ASPG: variants seen among roughly 807,000 people sequenced by gnomAD.
ASPG encodes 60 kDa lysophospholipase.
Under a neutral mutation model 63.2 loss-of-function variants are expected in ASPG, and 53 were observed. The ratio of observed to expected loss-of-function variants is 0.84; its 90% CI spans 0.67 to 1.05. ASPG has a LOEUF of 1.05. Among genes scored for constraint, ASPG ranks in the 50% least tolerant of loss-of-function variants. ASPG has a pLI of 0.00. For missense variants in ASPG, 741 were observed against 794.4 expected (o/e 0.93, Z 0.81); for synonymous variants, 370 against 355.0 (o/e 1.04, Z -0.48).
intron 6 of ASPG, among the ~76,000 whole-genome samples, chr14:104,099,628 T>G (rs980000907): frequency 6.6e-6 from 1 of 152,222 alleles, no homozygotes. Context: ...CCCTGCTTCC[T>G]GGACTCTACC....
At chr14:104,105,040 C>T (rs1030463338) in intron 9 of ASPG, 7 of 581,764 alleles carry the variant, frequency 1.2e-5, no homozygotes, top group South Asian at 4.3e-5. Context: ...CACTCTTCCT[C>T]GAGGGTGGGG....
chr14:104,109,203 A>C lies in ASPG; in HGVS notation c.1434-26A>C. The C allele has an allele frequency of 6.2e-7, 1 of 1,611,424 alleles. No individual in the cohort carries two copies. Among genetic ancestry groups the C allele is most frequent in the Non-Finnish European group, 8.5e-7 (1 of 1,179,076 alleles). On this transcript the variant is annotated intron_variant, in intron 12 of 15. Coordinates refer to ENST00000551177, the MANE Select transcript of ASPG (RefSeq NM_001080464.3). The surrounding 1 kb of genome is among the most constrained non-coding windows in gnomAD (Gnocchi z 4.8). ...GCGGGGCTGGGCTGGCCAGGGCAGA[A>C]GGTCAGCATGCTCATTCTCACACAG...
At position 104,110,795 on chromosome 14, in the gene ASPG, G is replaced by A. The variant is rs1364257830; in HGVS notation, c.1521-707G>A. On this transcript the variant is annotated intron_variant, in intron 13 of 15. Coordinates refer to ENST00000551177, the MANE Select transcript of ASPG (RefSeq NM_001080464.3). This position sits in a 1 kb window ranked among gnomAD's most constrained non-coding sequence, Gnocchi z 4.7. ...TGGGTGGGTGGAGCCTTCCCTGCCG[G>A]GTCCCCACCTGGCCTGCTCCTGGCC... 5 of 985,282 alleles carry A rather than the reference G, an allele frequency of 5.1e-6. No homozygotes were observed. Among genetic ancestry groups the A allele is most frequent in the Non-Finnish European group, 4.8e-6 (4 of 829,816 alleles). The allele number at this position is 985,282 out of a possible 1,614,324, so 61.0% of individuals were successfully genotyped here.
In ASPG at chr14:104,107,330, T is replaced by C. The variant is rs1400467956; in HGVS notation, c.1418T>C (p.Leu473Pro). Residue 473 changes from leucine (L) to proline (P), a missense_variant, in exon 12 of 16, where the codon CTG becomes CCG. Physicochemically the swap from Leu to Pro is moderately conservative, Grantham distance 98. Coordinates refer to ENST00000551177, the MANE Select transcript of ASPG (RefSeq NM_001080464.3). ...ACGGATGGCTTCAGCCCGCTGCTGC[T>C]GGCCGTGCGGGGCAGGTAATGGAGC... The part of the protein sequence containing the change: ...RDTDGFSPLL[L>P]AVRGRHPGVI... 6.3e-7 allele frequency: 1 copy of C among 1,585,394 alleles called. No homozygotes were observed. The highest frequency in any genetic ancestry group is 1.1e-5 in the South Asian group (1 of 87,202).
Position 104,107,395 on chromosome 14 carries a change from G to C in ASPG, c.1433+50G>C, listed in dbSNP as rs780809886. On this transcript the variant is annotated intron_variant, in intron 12 of 15. Coordinates refer to ENST00000551177, the MANE Select transcript of ASPG (RefSeq NM_001080464.3). ...GCTGCCTTGGACAGGTGGGCGCAGA[G>C]AGGCTGTGGGCTCCTGCACTCAAAC... 2.9e-6 allele frequency: 4 copies of C among 1,357,076 alleles called. No homozygotes were observed. The African/African-American group carries it at 4.5e-5, about 15-fold the overall frequency. The allele number at this position is 1,357,076 out of a possible 1,614,324, so 84.1% of individuals were successfully genotyped here.
chr14:104,110,947 C>A lies in ASPG; in HGVS notation c.1521-555C>A, dbSNP rs1056136714. On this transcript the variant is annotated intron_variant, in intron 13 of 15. Transcript: ENST00000551177. This position sits in a 1 kb window ranked among gnomAD's most constrained non-coding sequence, Gnocchi z 4.7. ...ACCCCTGTCCCAGCCAGGACCCCCC[C>A]ATGCAGTCTGCCGGGGTCCAGGGCC... 1 of 985,304 alleles carries A rather than the reference C, an allele frequency of 1.0e-6. No individual in the cohort carries two copies. Among genetic ancestry groups the A allele is most frequent in the Non-Finnish European group, 1.2e-6 (1 of 829,926 alleles). The allele number at this position is 985,304 out of a possible 1,614,324, so 61.0% of individuals were successfully genotyped here. A position where few individuals can be genotyped will look rare whatever the true frequency, so the allele number is the denominator to read the frequency against.
intron 6 of ASPG, among the ~76,000 whole-genome samples, chr14:104,102,090 C>T (rs2141023044): frequency 6.6e-6 from 1 of 152,246 alleles, no homozygotes. Flanking sequence ...GTGTAGCCCC[C>T]TCTCAGCCAT....
intron 1 of ASPG, among the ~76,000 whole-genome samples, chr14:104,087,231 T>G (rs1281813375): frequency 6.6e-6 from 1 of 152,186 alleles, no homozygotes; most frequent in Non-Finnish European, 1.5e-5. Context: ...CACTTCTCCT[T>G]CTGCCTGTGA....
intron 1 of ASPG, among the ~76,000 whole-genome samples, chr14:104,089,143 C>G (rs1733528675): frequency 6.6e-6 from 1 of 152,070 alleles, no homozygotes; most frequent in South Asian, 2.1e-4. Context: ...GCCTCAGCCT[C>G]CCGAGTAGCT....
chr14:104,088,625 A>G (rs1286496536), intron 1 of ASPG, among the ~76,000 whole-genome samples: 3 of 152,224 alleles, frequency 2.0e-5, no homozygotes, highest in African/African-American at 7.2e-5. Flanking sequence ...CCCGGTGACC[A>G]CACGGGTCCC....
rs1348017350 is a variant in ASPG at position 104,111,536 on chromosome 14, G to A, written c.1555G>A (p.Val519Met). The A allele has an allele frequency of 2.3e-5, 35 of 1,552,146 alleles. No homozygotes were observed. The highest frequency in any genetic ancestry group is 3.0e-5 in the Non-Finnish European group (35 of 1,147,772). The change falls in exon 14 of 16, where the codon GTG becomes ATG. Residue 519 changes from valine (V) to methionine (M), a missense_variant. By Grantham distance (21) the Val-to-Met change is conservative. Transcript: ENST00000551177. Reference protein sequence around the residue: ...AYRADLEGLQVWWQAGADLGQ... With the variant: ...AYRADLEGLQMWWQAGADLGQ... ...CAGGGCCGACCTCGAAGGCCTGCAGGTGTGGTGGCAGGCAGGGGCTGACCT... is the reference window on the plus strand; with the variant it reads ...CAGGGCCGACCTCGAAGGCCTGCAGATGTGGTGGCAGGCAGGGGCTGACCT...
intron 6 of ASPG, among the ~76,000 whole-genome samples, chr14:104,102,526 C>T (rs1024817040): frequency 6.6e-6 from 1 of 152,156 alleles, no homozygotes; most frequent in African/African-American, 2.4e-5. Context: ...CTGGGCTGGG[C>T]TCTCCAGCCT....
In ASPG at chr14:104,110,083, C is replaced by G; in HGVS notation, c.1520+768C>G. On this transcript the variant is annotated intron_variant, in intron 13 of 15. Coordinates refer to ENST00000551177, the MANE Select transcript of ASPG (RefSeq NM_001080464.3). The surrounding 1 kb of genome is among the most constrained non-coding windows in gnomAD (Gnocchi z 4.7). ...CTTGGCGCTGCCTCCTGTGCCCAGC[C>G]TGGGCTGCCCGAGGCCAGGACGACT... 1 of 985,348 alleles carries G rather than the reference C, an allele frequency of 1.0e-6. No individual in the cohort carries two copies. The highest frequency in any genetic ancestry group is 1.7e-5 in the African/African-American group (1 of 57,328). 61.0% of individuals were successfully genotyped at this position (985,348 alleles called of 1,614,324 possible).
Position 104,111,903 on chromosome 14 carries a change from C to A in ASPG, c.1621-17C>A. ...TCAGTGGCCCCAAGGCAGCCCCTCC[C>A]CACTGCTTCCCCATAGGCAGAGGCA... On this transcript the variant is annotated splice_polypyrimidine_tract_variant and intron_variant, in intron 14 of 15. Coordinates refer to ENST00000551177, the MANE Select transcript of ASPG (RefSeq NM_001080464.3). The A allele has an allele frequency of 6.4e-7, 1 of 1,550,484 alleles. No homozygotes were observed. The highest frequency in any genetic ancestry group is 8.7e-7 in the Non-Finnish European group (1 of 1,146,616).
chr14:104,111,799 G>A, intron 14 of ASPG, 121 bp from the exon 15 acceptor site: 1 of 1,073,724 alleles, frequency 9.3e-7, no homozygotes, highest in Non-Finnish European at 1.3e-6. Context: ...GAGTGGAGGA[G>A]CTGCTGGGGC....
At chr14:104,094,953 G>A (rs2036531361) in intron 3 of ASPG, among the ~76,000 whole-genome samples, 1 of 152,204 alleles carries the variant, frequency 6.6e-6, no homozygotes, top group Admixed American at 6.5e-5. Context: ...TCGGAACGGT[G>A]CCCTGGCAGC....
At chr14:104,094,152 T>TG (rs1241389751) in intron 3 of ASPG, among the ~76,000 whole-genome samples, 2 of 151,748 alleles carry the variant, frequency 1.3e-5, no homozygotes, top group African/African-American at 4.8e-5. Flanking sequence ...CCATGCAAGC[T>TG]GGGGGTGGGC....
At position 104,104,626 on chromosome 14, in the gene ASPG, T is replaced by C; in HGVS notation, c.941T>C (p.Met314Thr). Reference sequence around the variant, plus strand: ...CCACACGCCCCCTCCTCACAGGCCATGGCGGGAGCCGGCGTCATCTCAGGC... The same window carrying C: ...CCACACGCCCCCTCCTCACAGGCCACGGCGGGAGCCGGCGTCATCTCAGGC... The part of the protein sequence containing the change: ...VTTDYAAGMA[M>T]AGAGVISGFD... The change falls in exon 9 of 16, where the codon ATG becomes ACG. Residue 314 changes from methionine (M) to threonine (T), a missense_variant. Physicochemically the swap from Met to Thr is moderately conservative, Grantham distance 81 (BLOSUM62 -1). Coordinates refer to ENST00000551177, the MANE Select transcript of ASPG (RefSeq NM_001080464.3). 1.9e-6 allele frequency: 3 copies of C among 1,607,416 alleles called. No individual in the cohort carries two copies. Among genetic ancestry groups the C allele is most frequent in the African/African-American group, 2.7e-5 (2 of 74,952 alleles).
chr14:104,109,085 C>T lies in ASPG; in HGVS notation c.1434-144C>T. 2 of 1,478,402 alleles carry T rather than the reference C, an allele frequency of 1.4e-6. No individual in the cohort carries two copies. 91.6% of individuals were successfully genotyped at this position (1,478,402 alleles called of 1,614,324 possible). On this transcript the variant is annotated intron_variant, in intron 12 of 15. Coordinates refer to ENST00000551177, the MANE Select transcript of ASPG (RefSeq NM_001080464.3). The surrounding 1 kb of genome is among the most constrained non-coding windows in gnomAD (Gnocchi z 4.8). ...TAGGCAGAGGATGGGGGGATGGGCC[C>T]TTGTCTGAGGCTAGGGCTGTGGGGT...
Sources: allele counts gnomAD v4.1 joint callset (sites outside exome capture counted in the v4.1 genomes callset), GRCh38; gene constraint gnomAD v4.1.1; non-coding constraint Gnocchi (gnomAD v3.1); transcripts MANE v1.5; gene names NCBI Gene and HGNC (gene_info 2026-07-23, HGNC 2026-07-21).